Variants in CNOT6 observed in about 807,000 individuals in gnomAD.
The protein encoded by CNOT6 is CCR4-NOT transcription complex subunit 6.
CNOT6 carries 12 observed loss-of-function variants against 61.2 expected under a neutral mutation model. The observed-to-expected ratio is 0.20, with a 90% CI of 0.13 to 0.32. The LOEUF (loss-of-function observed/expected upper bound fraction) is 0.32, where lower values mean the gene tolerates loss of function less well. Ranked by LOEUF, CNOT6 falls within the 10% of genes least tolerant of loss-of-function variation. CNOT6 has a pLI of 1.00. For synonymous variants in CNOT6, 225 were observed against 240.6 expected, an observed-to-expected ratio of 0.94 and a Z score of 0.60; for missense variants, 405 against 663.9, an observed-to-expected ratio of 0.61 and a Z score of 4.28.
chr5:180,518,357 T>C (rs1757739991), intron 1 of CNOT6, among the ~76,000 whole-genome samples: 1 of 152,196 alleles, frequency 6.6e-6, no homozygotes, highest in African/African-American at 2.4e-5. Flanking sequence ...GAACTTTGCT[T>C]TCTTGGTATT....
chr5:180,534,605 C>T (rs1258301856), intron 2 of CNOT6: 1 of 155,036 alleles, frequency 6.5e-6, no homozygotes, highest in Admixed American at 6.5e-5. Flanking sequence ...AAGTTGGCCT[C>T]AGCAGCGGGG....
intron 1 of CNOT6, among the ~76,000 whole-genome samples, chr5:180,509,156 A>T (rs918920784): frequency 1.3e-5 from 2 of 150,994 alleles, no homozygotes; most frequent in African/African-American, 4.9e-5. Context: ...TTTTGAGACA[A>T]GGTCTGGTTC....
intron 2 of CNOT6, among the ~76,000 whole-genome samples, chr5:180,541,895 G>GC (rs1341188599): frequency 3.3e-5 from 5 of 151,710 alleles, no homozygotes; most frequent in Non-Finnish European, 5.9e-5. Flanking sequence ...AGGCTACAGT[G>GC]CCCCCTGGCT....
At chr5:180,516,101 A>G (rs1053368228) in intron 1 of CNOT6, among the ~76,000 whole-genome samples, 2 of 150,436 alleles carry the variant, frequency 1.3e-5, no homozygotes, top group East Asian at 2.0e-4. Flanking sequence ...AGGATCTTCC[A>G]TGTTGCCCAG....
chr5:180,535,759 T>G (rs1758655204), intron 2 of CNOT6, among the ~76,000 whole-genome samples: 1 of 152,224 alleles, frequency 6.6e-6, no homozygotes. Flanking sequence ...TGTACTAATT[T>G]ACATTCCCAC....
At chr5:180,523,912 A>G (rs1757977170) in intron 1 of CNOT6, among the ~76,000 whole-genome samples, 1 of 152,176 alleles carries the variant, frequency 6.6e-6, no homozygotes, top group African/African-American at 2.4e-5. Flanking sequence ...CAGGATGGCC[A>G]TAGGTTTTGT....
chr5:180,548,433 C>T (rs529898987), intron 2 of CNOT6, among the ~76,000 whole-genome samples: 21 of 152,316 alleles, frequency 1.4e-4, no homozygotes, highest in African/African-American at 4.8e-4. Context: ...GGGGCCCCAT[C>T]AGATCTCCAG....
intron 2 of CNOT6, among the ~76,000 whole-genome samples, chr5:180,536,720 C>G (rs1360088288): frequency 6.6e-6 from 1 of 152,218 alleles, no homozygotes; most frequent in Non-Finnish European, 1.5e-5. Context: ...AAGCAATCCT[C>G]CTTCCTCAGC....
rs997323512 is a variant in CNOT6 at position 180,567,129 on chromosome 5, G to A, written c.759G>A (p.Glu253=). The A allele has an allele frequency of 2.5e-6, 4 of 1,613,158 alleles. No homozygotes were observed. In the African/African-American group the frequency reaches 5.3e-5, roughly 22 times the overall value. The change falls in exon 8 of 12, where the codon GAG becomes GAA. Residue 253 remains glutamate, a synonymous_variant. Coordinates refer to ENST00000261951, the MANE Select transcript of CNOT6 (RefSeq NM_001370472.1). The part of the protein sequence containing the change: ...TEQYYSFFLV[E]LKERGYNGFF... ...AGTATTACAGTTTTTTTCTGGTAGA[G>A]CTGAAAGAACGTGGCTATAATGGAT...
intron 1 of CNOT6, among the ~76,000 whole-genome samples, chr5:180,517,973 C>G (rs1430123544): frequency 6.6e-6 from 1 of 150,600 alleles, no homozygotes; most frequent in Non-Finnish European, 1.5e-5. Flanking sequence ...TAGTGACTGA[C>G]TTGCAGTCCA....
At chr5:180,508,193 G>A (rs1228468708) in intron 1 of CNOT6, among the ~76,000 whole-genome samples, 1 of 152,144 alleles carries the variant, frequency 6.6e-6, no homozygotes, top group Non-Finnish European at 1.5e-5. Context: ...GGCTAGAGTT[G>A]GAGACTGGAT....
At chr5:180,569,024 G>C in intron 9 of CNOT6, 86 bp from the exon 10 acceptor site, 1 of 948,654 alleles carries the variant, frequency 1.1e-6, no homozygotes, top group Non-Finnish European at 1.6e-6. Context: ...GACTCTGAGA[G>C]ATTATTTGCT....
chr5:180,516,840 A>G (rs1000724453), intron 1 of CNOT6, among the ~76,000 whole-genome samples: 2 of 152,184 alleles, frequency 1.3e-5, no homozygotes, highest in Admixed American at 1.3e-4. Context: ...ACTTGCAGAA[A>G]ATCCCACATT....
At chr5:180,528,531 G>A (rs1261826528) in intron 1 of CNOT6, among the ~76,000 whole-genome samples, 3 of 151,988 alleles carry the variant, frequency 2.0e-5, no homozygotes, top group South Asian at 2.1e-4. Flanking sequence ...TAGCCAGGAT[G>A]GTCTCAATCT....
chr5:180,517,490 T>C (rs947080581), intron 1 of CNOT6, among the ~76,000 whole-genome samples: 9 of 151,634 alleles, frequency 5.9e-5, no homozygotes, highest in Non-Finnish European at 1.2e-4. Context: ...TTGAAAAAAA[T>C]TCTTTCATAC....
intron 2 of CNOT6, among the ~76,000 whole-genome samples, chr5:180,538,804 AG>A (rs1293060868): frequency 1.3e-5 from 2 of 151,200 alleles, no homozygotes; most frequent in African/African-American, 4.9e-5. Context: ...ACTTTAGCCC[AG>A]GAAGTGGAGG....
intron 2 of CNOT6, among the ~76,000 whole-genome samples, chr5:180,544,666 C>T (rs1302590848): frequency 2.6e-5 from 4 of 152,166 alleles, no homozygotes; most frequent in Non-Finnish European, 5.9e-5. Context: ...GGAAAAGGAG[C>T]TATACAAATT....
chr5:180,499,869 C>T (rs563364450), intron 1 of CNOT6, among the ~76,000 whole-genome samples: 16 of 152,258 alleles, frequency 1.1e-4, no homozygotes, highest in Admixed American at 5.9e-4. Flanking sequence ...ACACGAGAAG[C>T]AAATAGGTGT....
At chr5:180,561,775 A>G (rs533424022) in intron 4 of CNOT6, among the ~76,000 whole-genome samples, 3 of 152,286 alleles carry the variant, frequency 2.0e-5, no homozygotes, top group South Asian at 4.1e-4. Context: ...CGGCCTCCAC[A>G]GGCACCGCAC....
Sources: allele counts gnomAD v4.1 joint callset (sites outside exome capture counted in the v4.1 genomes callset), GRCh38; gene constraint gnomAD v4.1.1; transcripts MANE v1.5; gene names NCBI Gene and HGNC (gene_info 2026-07-23, HGNC 2026-07-21).